The following EPB41L1 variants were observed in gnomAD, a reference collection of about 807,000 sequenced individuals.
EPB41L1 encodes the protein band 4.1-like protein 1.
In EPB41L1, 29 loss-of-function variants were observed where a neutral mutation model predicts 97.8. That is an observed-to-expected ratio of 0.30 (90% CI 0.22 to 0.40). The LOEUF (loss-of-function observed/expected upper bound fraction) is 0.40, where lower values mean the gene tolerates loss of function less well. EPB41L1 is among the 10% of genes least tolerant of loss of function. EPB41L1 has a pLI of 1.00. For synonymous variants in EPB41L1, 383 were observed against 459.2 expected (o/e 0.83, Z 2.12); for missense variants, 812 against 1,162.3 (o/e 0.70, Z 4.38).
chr20:36,171,753 G>A (rs2145852602), intron 1 of EPB41L1, among the ~76,000 whole-genome samples: 1 of 152,296 alleles, frequency 6.6e-6, no homozygotes, highest in East Asian at 1.9e-4. Context: ...GGGACCTGGA[G>A]CACGTGGCTA....
rs112471399 is a variant in EPB41L1 at position 36,197,999 on chromosome 20, C to A, written c.1626C>A (p.Pro542=). 6 of 1,613,182 alleles carry A rather than the reference C, an allele frequency of 3.7e-6. No individual in the cohort carries two copies. Among genetic ancestry groups the A allele is most frequent in the African/African-American group, 2.7e-5 (2 of 74,994 alleles). ...WERERRLPSS[P]ASPSPKGTPE... The stretch of plus-strand genomic sequence containing the variant: ...GGGAGCGCAGGCTGCCCTCCTCCCC[C>A]GCCTCCCCCTCCCCCAAGGGCACCC... Residue 542 remains proline (P), a synonymous_variant, in exon 14 of 22, where the codon CCC becomes CCA. Coordinates refer to ENST00000338074, the MANE Select transcript of EPB41L1 (RefSeq NM_012156.2).
At chr20:36,137,132 T>G (rs1238254830) in intron 2 of EPB41L1, among the ~76,000 whole-genome samples, 1 of 150,254 alleles carries the variant, frequency 6.7e-6, no homozygotes, top group Non-Finnish European at 1.5e-5. Flanking sequence ...TAGAGTGCAG[T>G]GGCTCAATCT....
intron 1 of EPB41L1, among the ~76,000 whole-genome samples, chr20:36,172,896 G>A (rs1332210535): frequency 3.3e-5 from 5 of 152,152 alleles, no homozygotes; most frequent in South Asian, 2.1e-4. Context: ...CACCGCGCCT[G>A]GCGTGTTTTG....
At chr20:36,205,732 T>G in intron 14 of EPB41L1, 1 of 1,064,006 alleles carries the variant, frequency 9.4e-7, no homozygotes. Context: ...GGATGTGCTG[T>G]CCCAAAGTCA....
At chr20:36,094,969 T>C (rs2057782461) in intron 1 of EPB41L1, among the ~76,000 whole-genome samples, 1 of 144,936 alleles carries the variant, frequency 6.9e-6, no homozygotes, top group South Asian at 2.2e-4. Context: ...GCCCAGCTAA[T>C]TTTTTTTTTT....
intron 2 of EPB41L1, chr20:36,125,407 C>T (rs1047593707): frequency 9.7e-6 from 7 of 723,924 alleles, no homozygotes; most frequent in African/African-American, 5.2e-5. Flanking sequence ...GATTCTGTTT[C>T]TTCATCTGTA....
chr20:36,121,911 A>G (rs2058763855), intron 2 of EPB41L1: 2 of 152,220 alleles, frequency 1.3e-5, no homozygotes, highest in Admixed American at 1.3e-4. Flanking sequence ...CCCTGAAACT[A>G]CGCACTTAAC....
At chr20:36,192,483 T>C (rs1016470969) in intron 11 of EPB41L1, among the ~76,000 whole-genome samples, 2 of 146,778 alleles carry the variant, frequency 1.4e-5, no homozygotes, top group Non-Finnish European at 1.5e-5. Flanking sequence ...TGAGCCAAGA[T>C]TGCACCGCCA....
chr20:36,130,315 A>G (rs1380299646), intron 2 of EPB41L1, among the ~76,000 whole-genome samples: 2 of 151,964 alleles, frequency 1.3e-5, no homozygotes, highest in African/African-American at 4.8e-5. Context: ...CAGGAAGCAG[A>G]AAAAAATTAC....
At chr20:36,155,062 C>G (rs1284066321) in intron 1 of EPB41L1, 166 bp downstream of exon 1, 1 of 648,788 alleles carries the variant, frequency 1.5e-6, no homozygotes, top group East Asian at 6.7e-5. Context: ...TCCCTACCTA[C>G]CGGTCTGCAG....
intron 1 of EPB41L1, among the ~76,000 whole-genome samples, chr20:36,098,254 G>A (rs2057897422): frequency 6.6e-6 from 1 of 152,108 alleles, no homozygotes; most frequent in South Asian, 2.1e-4. Context: ...CCTAATGAGT[G>A]GGAATCTGAA....
At chr20:36,122,508 C>T (rs547161894) in intron 2 of EPB41L1, among the ~76,000 whole-genome samples, 26 of 152,346 alleles carry the variant, frequency 1.7e-4, no homozygotes, top group Middle Eastern at 6.8e-3. Context: ...CTGGGCTTTG[C>T]TACTCAGCTC....
chr20:36,209,044 C>A lies in EPB41L1; in HGVS notation c.1669-444C>A, dbSNP rs1019003328. Reference sequence around the variant, plus strand: ...TCTTGGCTCCAACCTCTCTGCCTTCCCTTCCTGGGTCTCCCTGAATCCCTG... The same window carrying A: ...TCTTGGCTCCAACCTCTCTGCCTTCACTTCCTGGGTCTCCCTGAATCCCTG... On this transcript the variant is annotated intron_variant, in intron 14 of 21. Coordinates refer to ENST00000338074, the MANE Select transcript of EPB41L1 (RefSeq NM_012156.2). The surrounding 1 kb of genome is among the most constrained non-coding windows in gnomAD (Gnocchi z 4.2). Among the ~76,000 whole-genome samples the A allele has an allele frequency of 2.0e-5, 3 of 152,214 alleles. No individual in the cohort carries two copies. Among genetic ancestry groups the A allele is most frequent in the Non-Finnish European group, 4.4e-5 (3 of 68,036 alleles).
intron 14 of EPB41L1, among the ~76,000 whole-genome samples, chr20:36,204,102 ACTGAGTTCAAGGC>A (rs2062656691): frequency 6.6e-6 from 1 of 152,120 alleles, no homozygotes; most frequent in South Asian, 2.1e-4. Context: ...GGCGTCAGAG[ACTGAGTTCAAGGC>A]CTGCCTTTCC....
chr20:36,198,487 A>G (rs941009143), intron 14 of EPB41L1, among the ~76,000 whole-genome samples: 30 of 152,216 alleles, frequency 2.0e-4, no homozygotes, highest in African/African-American at 7.0e-4. Context: ...TGTTGTGCCT[A>G]TTGTGAAAAC....
intron 5 of EPB41L1, among the ~76,000 whole-genome samples, chr20:36,179,495 C>T (rs2061387473): frequency 6.6e-6 from 1 of 152,254 alleles, no homozygotes; most frequent in African/African-American, 2.4e-5. Context: ...GGGGTGAAGG[C>T]AGATGAGCAG....
At chr20:36,186,079 G>A (rs2061672555) in intron 7 of EPB41L1, among the ~76,000 whole-genome samples, 1 of 152,180 alleles carries the variant, frequency 6.6e-6, no homozygotes, top group South Asian at 2.1e-4. Flanking sequence ...TTTGGGGCAG[G>A]AGAATTCATT....
rs1486193890 is a variant in EPB41L1, at chr20:36,093,597, G to A, written c.-65+1985G>A. Among the ~76,000 whole-genome samples, 1 of 151,860 alleles carries A rather than the reference G, an allele frequency of 6.6e-6. No homozygotes were observed. Among genetic ancestry groups the A allele is most frequent in the Non-Finnish European group, 1.5e-5 (1 of 67,928 alleles). ...GGTGGGCGGCCACACCCCGGGGGTC[G>A]GGGGAACTGGGCTGACAGCAGAGCC... On this transcript the variant is annotated intron_variant, in intron 1 of 19. Coordinates refer to the EPB41L1 transcript ENST00000202028. This position sits in a 1 kb window ranked among gnomAD's most constrained non-coding sequence, Gnocchi z 5.4.
At chr20:36,192,443 T>TCA (rs1463326928) in intron 11 of EPB41L1, among the ~76,000 whole-genome samples, 1 of 143,464 alleles carries the variant, frequency 7.0e-6, no homozygotes, top group Admixed American at 7.5e-5. Flanking sequence ...GGCAGGAGAA[T>TCA]CACTTGAACC....
Sources: gnomAD v4.1 joint callset for allele counts (sites outside exome capture counted in the v4.1 genomes callset) on GRCh38, gnomAD v4.1.1 for gene constraint, Gnocchi (gnomAD v3.1) non-coding constraint, MANE v1.5 for transcripts, NCBI Gene and HGNC (gene_info 2026-07-23, HGNC 2026-07-21) for gene names.